CCDC7: variants seen among roughly 807,000 people sequenced by gnomAD.
CCDC7 encodes coiled-coil domain containing 7, also known as coiled-coil domain-containing protein 7.
A neutral mutation model predicts 196.9 loss-of-function variants in CCDC7; 183 were observed. The observed-to-expected ratio is 0.93, with a 90% CI of 0.82 to 1.05. CCDC7 has a LOEUF of 1.05. Among genes scored for constraint, CCDC7 ranks in the 50% least tolerant of loss-of-function variants. The pLI, the probability that CCDC7 is intolerant of heterozygous loss-of-function variation, is 0.00. For synonymous variants in CCDC7, 525 were observed against 484.6 expected (o/e 1.08, Z -1.10); for missense variants, 1,540 against 1,482.2 (o/e 1.04, Z -0.64).
chr10:32,745,798 A>G (rs1189568614), intron 28 of CCDC7, among the ~76,000 whole-genome samples: 1 of 152,192 alleles, frequency 6.6e-6, no homozygotes, highest in African/African-American at 2.4e-5. Context: ...TTGAATCTCT[A>G]AGGAAGAACT....
intron 5 of CCDC7, among the ~76,000 whole-genome samples, chr10:32,466,255 TC>T (rs200076764): frequency 0.3 from 38,141 of 127,756 alleles, 5,064 homozygotes; most frequent in East Asian, 0.47. Context: ...TGTTTCTCTC[TC>T]TTTTTTTTTT....
At chr10:32,816,825 A>G (rs2088713938) in intron 31 of CCDC7, among the ~76,000 whole-genome samples, 1 of 152,052 alleles carries the variant, frequency 6.6e-6, no homozygotes, top group Non-Finnish European at 1.5e-5. Flanking sequence ...CCACACCAAA[A>G]CCCCATCTAT....
At chr10:32,698,002 G>A (rs988120071) in intron 24 of CCDC7, among the ~76,000 whole-genome samples, 1 of 152,192 alleles carries the variant, frequency 6.6e-6, no homozygotes, top group Admixed American at 6.5e-5. Context: ...AGCAACCTTT[G>A]CTCTTCTGCA....
intron 41 of CCDC7, among the ~76,000 whole-genome samples, chr10:32,856,341 T>C (rs1428913068): frequency 6.6e-6 from 1 of 152,178 alleles, no homozygotes; most frequent in Non-Finnish European, 1.5e-5. Context: ...ATCCAGAATA[T>C]ATAGAGACCT....
At chr10:32,880,356 A>C (rs1304944143), downstream of CCDC7, among the ~76,000 whole-genome samples, 3 of 152,140 alleles carry the variant, frequency 2.0e-5, no homozygotes, top group Non-Finnish European at 2.9e-5. Flanking sequence ...TCTTCTTTCG[A>C]GAAGTGTCTG....
At chr10:32,459,646 ATTTTTTTT>A (rs60002951) in intron 3 of CCDC7, among the ~76,000 whole-genome samples, 15,759 of 68,862 alleles carry the variant, frequency 0.23, 1,237 homozygotes, top group East Asian at 0.4. Context: ...CCTGCTGCAC[ATTTTTTTT>A]TTTTTTTTTT....
At chr10:32,539,442 G>A (rs998876053) in intron 11 of CCDC7, among the ~76,000 whole-genome samples, 1 of 151,752 alleles carries the variant, frequency 6.6e-6, no homozygotes, top group Admixed American at 6.6e-5. Context: ...GTAGCTAGTG[G>A]TCTATCTTAT....
At chr10:32,702,970 A>C (rs949341925) in intron 24 of CCDC7, among the ~76,000 whole-genome samples, 1 of 152,076 alleles carries the variant, frequency 6.6e-6, no homozygotes, top group Non-Finnish European at 1.5e-5. Context: ...TCTTTATCCA[A>C]TTTGCCAGTC....
At chr10:32,716,505 G>C (rs2081600111) in intron 25 of CCDC7, among the ~76,000 whole-genome samples, 1 of 152,100 alleles carries the variant, frequency 6.6e-6, no homozygotes, top group Non-Finnish European at 1.5e-5. Context: ...GTGCAAAATA[G>C]CCAGTTAACA....
intron 24 of CCDC7, among the ~76,000 whole-genome samples, chr10:32,697,187 TAAAG>T (rs1245962995): frequency 6.6e-6 from 1 of 152,130 alleles, no homozygotes; most frequent in South Asian, 2.1e-4. Context: ...TAGATTCTCA[TAAAG>T]AACGCACAAC....
At chr10:32,459,604 T>C (rs1403421226) in intron 3 of CCDC7, among the ~76,000 whole-genome samples, 1 of 144,454 alleles carries the variant, frequency 6.9e-6, no homozygotes, top group Non-Finnish European at 1.5e-5. Context: ...TTCAGAGTTC[T>C]AACAAAATTG....
intron 18 of CCDC7, among the ~76,000 whole-genome samples, chr10:32,616,966 G>C (rs534058194): frequency 7.4e-6 from 1 of 134,488 alleles, no homozygotes; most frequent in African/African-American, 2.4e-5. Context: ...TTATTGATTT[G>C]ATACTTATTA....
chr10:32,537,737 T>C (rs1175766491), intron 11 of CCDC7, among the ~76,000 whole-genome samples: 1 of 152,206 alleles, frequency 6.6e-6, no homozygotes, highest in Non-Finnish European at 1.5e-5. Flanking sequence ...CAGCCTCATT[T>C]TTTGAATGGG....
intron 25 of CCDC7, among the ~76,000 whole-genome samples, chr10:32,721,053 A>G (rs1416916019): frequency 6.6e-6 from 1 of 152,150 alleles, no homozygotes; most frequent in Non-Finnish European, 1.5e-5. Context: ...TGTTCACACA[A>G]CTGTGCTCCA....
intron 8 of CCDC7, among the ~76,000 whole-genome samples, chr10:32,486,890 G>A (rs1453536060): frequency 6.6e-6 from 1 of 151,770 alleles, no homozygotes; most frequent in East Asian, 1.9e-4. Context: ...TCCCTTTGTT[G>A]GTAACTGGAC....
intron 28 of CCDC7, among the ~76,000 whole-genome samples, chr10:32,756,129 G>C (rs2076402038): frequency 6.6e-6 from 1 of 152,238 alleles, no homozygotes; most frequent in South Asian, 2.1e-4. Flanking sequence ...ATCTACATCA[G>C]ATTGTTGTAC....
intron 28 of CCDC7, among the ~76,000 whole-genome samples, chr10:32,775,349 G>A (rs1189469329): frequency 6.6e-6 from 1 of 151,984 alleles, no homozygotes; most frequent in East Asian, 1.9e-4. Context: ...GAAAAGTGAG[G>A]GCAAAGGGGA....
intron 3 of CCDC7, among the ~76,000 whole-genome samples, chr10:32,457,705 C>T (rs1440324787): frequency 2.0e-5 from 3 of 151,904 alleles, no homozygotes; most frequent in Non-Finnish European, 2.9e-5. Flanking sequence ...TATCTTTTTT[C>T]TTTTTGATAA....
chr10:32,496,982 G>A (rs182653670), intron 9 of CCDC7, among the ~76,000 whole-genome samples: 3 of 152,148 alleles, frequency 2.0e-5, no homozygotes, highest in African/African-American at 4.8e-5. Context: ...GCTCCTCTTT[G>A]TACCTTTGGT....
Sources: gnomAD v4.1 joint callset for allele counts (sites outside exome capture counted in the v4.1 genomes callset) on GRCh38, gnomAD v4.1.1 for gene constraint, MANE v1.5 for transcripts, NCBI Gene and HGNC (gene_info 2026-07-23, HGNC 2026-07-21) for gene names.